Variants in FBXO41 observed in about 807,000 individuals in gnomAD.
FBXO41 encodes F-box protein 41.
FBXO41 carries 33 observed loss-of-function variants against 81.6 expected under a neutral mutation model. The ratio of observed to expected loss-of-function variants is 0.40; its 90% CI spans 0.31 to 0.54. The LOEUF (loss-of-function observed/expected upper bound fraction) is 0.54. Ranked by LOEUF, FBXO41 falls within the 20% of genes least tolerant of loss-of-function variation. The pLI, the probability that FBXO41 is intolerant of heterozygous loss-of-function variation, is 0.39. For synonymous variants in FBXO41, 576 were observed against 552.7 expected (o/e 1.04, Z -0.59); for missense variants, 1,107 against 1,236.0 (o/e 0.90, Z 1.56).
intron 1 of FBXO41, among the ~76,000 whole-genome samples, chr2:73,276,559 T>TGAGAGA (rs1688685941): frequency 9.2e-5 from 7 of 75,814 alleles, no homozygotes; most frequent in Admixed American, 3.1e-4. Context: ...GCAAATCTAT[T>TGAGAGA]CAGAGAGAGA....
In FBXO41 at chr2:73,265,520, T is replaced by C. The variant is rs1666069009; in HGVS notation, c.1326A>G (p.Thr442=). The part of the protein sequence containing the change: ...PEDSGPGGLG[T]RAQAANGGSE... Reference sequence around the variant, plus strand: ...AGCCCCCGTTGGCAGCCTGGGCCCGTGTGCCCAAGCCCCCAGGGCCACTGT... The same window carrying C: ...AGCCCCCGTTGGCAGCCTGGGCCCGCGTGCCCAAGCCCCCAGGGCCACTGT... Residue 442 remains threonine, a synonymous_variant, in exon 5 of 13, where the codon ACA becomes ACG. Coordinates refer to ENST00000520530, the MANE Select transcript of FBXO41 (RefSeq NM_001371389.2). 10 of 1,596,070 alleles carry C rather than the reference T, an allele frequency of 6.3e-6. No homozygotes were observed. The highest frequency in any genetic ancestry group is 8.5e-6 in the Non-Finnish European group (10 of 1,173,350).
At chr2:73,271,178 TG>T (rs1277675147) in intron 1 of FBXO41, 2 of 335,362 alleles carry the variant, frequency 6.0e-6, no homozygotes, top group South Asian at 2.3e-5. Flanking sequence ...GCCGCATAGT[TG>T]TGTTGCCTTC....
rs962481810 is a variant in FBXO41 at position 73,255,742 on chromosome 2, TAGGC to T, written c.*3236_*3239del. 1 of 152,496 alleles carries T rather than the reference TAGGC, an allele frequency of 6.6e-6. No individual in the cohort carries two copies. The highest frequency in any genetic ancestry group is 1.5e-5 in the Non-Finnish European group (1 of 68,040). 9.4% of individuals were successfully genotyped at this position (152,496 alleles called of 1,614,324 possible). ...AGATAAGAGACCAGGAGTGGGGAAA[TAGGC>T]AGGACCCAAAGGCAAGGGATGGAGC... is the stretch of plus-strand genomic sequence containing the variant. On this transcript the variant is annotated 3_prime_UTR_variant, in exon 13 of 13. Transcript: ENST00000520530.
At chr2:73,264,146 G>A in intron 6 of FBXO41, 93 bp from the exon 7 acceptor site, 1 of 1,552,150 alleles carries the variant, frequency 6.4e-7, no homozygotes, top group Non-Finnish European at 8.7e-7. Context: ...CCCCATGAGA[G>A]CATTTCAGGG....
rs1289132850 is a variant in FBXO41 at position 73,258,783 on chromosome 2, G to A, written c.*199C>T. ...GAGGGCAGCTTCTGTCCAAGCCCCTGTACTGGGGAGGCAGTGCCCTGGGTC... is the reference window on the plus strand; with the variant it reads ...GAGGGCAGCTTCTGTCCAAGCCCCTATACTGGGGAGGCAGTGCCCTGGGTC... On this transcript the variant is annotated 3_prime_UTR_variant, in exon 13 of 13. Transcript: ENST00000520530. 13 of 613,006 alleles carry A rather than the reference G, an allele frequency of 2.1e-5. No homozygotes were observed. Among genetic ancestry groups the A allele is most frequent in the African/African-American group, 3.7e-5 (2 of 54,336 alleles). 38.0% of individuals were successfully genotyped at this position (613,006 alleles called of 1,614,324 possible).
intron 1 of FBXO41, among the ~76,000 whole-genome samples, chr2:73,281,582 G>A (rs1688848288): frequency 6.6e-6 from 1 of 152,222 alleles, no homozygotes; most frequent in Non-Finnish European, 1.5e-5. Context: ...TTGGGATCCA[G>A]CTGCCACATA....
chr2:73,277,031 C>T (rs1428309826), intron 1 of FBXO41, among the ~76,000 whole-genome samples: 4 of 152,240 alleles, frequency 2.6e-5, no homozygotes. Flanking sequence ...CTTCTCCCCA[C>T]CCTGCCCTCT....
rs1198161004 is a variant in FBXO41 at position 73,269,253 on chromosome 2, G to C, written c.378C>G (p.Ser126Arg). 1.3e-6 allele frequency: 2 copies of C among 1,530,994 alleles called. No individual in the cohort carries two copies. The highest frequency in any genetic ancestry group is 5.2e-5 in the East Asian group (2 of 38,534). 94.8% of individuals were successfully genotyped at this position (1,530,994 alleles called of 1,614,324 possible). A position where few individuals can be genotyped will look rare whatever the true frequency, so the allele number is the denominator to read the frequency against. ...GCTCGGCCAACTCCTCACAGGGCAG[G>C]CTAGCGGGCACCAGGTCGCCGGGGA... ...AHFPGDLVPA[S>R]LPCEELAEPG... Residue 126 changes from serine (S) to arginine (R), a missense_variant, in exon 2 of 13, where the codon AGC becomes AGG. Around this residue, in one of 2 missense-constraint regions of FBXO41, gnomAD observed 771 missense variants for 789.2 expected, o/e 0.98. Coordinates refer to ENST00000520530, the MANE Select transcript of FBXO41 (RefSeq NM_001371389.2). The surrounding 1 kb of genome is among the most constrained non-coding windows in gnomAD (Gnocchi z 7.0).
chr2:73,265,964 TCGCTGTGGG>T lies in FBXO41; in HGVS notation c.1132-7_1133del. ...GCACGGCCGGGCCCACGTGGTGTTC[TCGCTGTGGG>T]CCCCCAGAGCAGGAGGTAAAGGAGA... On this transcript the variant is annotated splice_acceptor_variant and splice_polypyrimidine_tract_variant and coding_sequence_variant and intron_variant, in exon 4 of 13. Transcript: ENST00000520530. LOFTEE classifies it high-confidence loss of function. 1 of 1,571,050 alleles carries T rather than the reference TCGCTGTGGG, an allele frequency of 6.4e-7. No individual in the cohort carries two copies. The highest frequency in any genetic ancestry group is 8.6e-7 in the Non-Finnish European group (1 of 1,157,242).
At chr2:73,276,469 T>C (rs1173492413) in intron 1 of FBXO41, among the ~76,000 whole-genome samples, 1 of 151,586 alleles carries the variant, frequency 6.6e-6, no homozygotes, top group African/African-American at 2.4e-5. Context: ...TTTAGGTATA[T>C]TAAAACCCAA....
chr2:73,282,786 CA>C (rs1431133697), intron 1 of FBXO41, among the ~76,000 whole-genome samples: 1 of 152,128 alleles, frequency 6.6e-6, no homozygotes, highest in Non-Finnish European at 1.5e-5. Context: ...TGGATATCAC[CA>C]AACTCCCTCT....
At position 73,260,929 on chromosome 2, in the gene FBXO41, G is replaced by A. The variant is rs1688001509; in HGVS notation, c.2172-71C>T. Reference sequence around the variant, plus strand: ...TGATAACCCAGCATGCTCCTCCTGTGGGACCCCTCCCTGACTCAGGCAAGC... The same window carrying A: ...TGATAACCCAGCATGCTCCTCCTGTAGGACCCCTCCCTGACTCAGGCAAGC... On this transcript the variant is annotated intron_variant, in intron 9 of 12. Transcript: ENST00000520530. This position sits in a 1 kb window ranked among gnomAD's most constrained non-coding sequence, Gnocchi z 5.0. The A allele has an allele frequency of 7.7e-7, 1 of 1,305,902 alleles. No individual in the cohort carries two copies. Among genetic ancestry groups the A allele is most frequent in the Non-Finnish European group, 1.1e-6 (1 of 945,884 alleles). 80.9% of individuals were successfully genotyped at this position (1,305,902 alleles called of 1,614,324 possible).
In FBXO41 at chr2:73,258,815, G is replaced by T; in HGVS notation, c.*167C>A. The T allele has an allele frequency of 1.3e-6, 1 of 762,752 alleles. No homozygotes were observed. The highest frequency in any genetic ancestry group is 2.0e-6 in the Non-Finnish European group (1 of 487,900). The allele number at this position is 762,752 out of a possible 1,614,324, so 47.2% of individuals were successfully genotyped here. A position where few individuals can be genotyped will look rare whatever the true frequency, so the allele number is the denominator to read the frequency against. ...GGAGGCAGTGCCCTGGGTCAGGCCT[G>T]TTGCTCTGCTGCTCCAGGAGGAGGA... On this transcript the variant is annotated 3_prime_UTR_variant, in exon 13 of 13. Coordinates refer to ENST00000520530, the MANE Select transcript of FBXO41 (RefSeq NM_001371389.2).
rs188487265 is a variant in FBXO41 at position 73,265,335 on chromosome 2, G to A, written c.1511C>T (p.Ala504Val). Residue 504 changes from alanine to valine, a missense_variant, in exon 5 of 13, where the codon GCG becomes GTG. Transcript: ENST00000520530. ...TESEAEGPLDAPRPGPAMAGP... is the reference protein window; with the variant it reads ...TESEAEGPLDVPRPGPAMAGP... ...AGCCATAGCAGGCCCGGGGCGGGGCGCATCCAACGGGCCCTCAGCCTCTGA... is the reference window on the plus strand; with the variant it reads ...AGCCATAGCAGGCCCGGGGCGGGGCACATCCAACGGGCCCTCAGCCTCTGA... 3.2e-3 allele frequency: 5,188 copies of A among 1,611,414 alleles called. 126 individuals are homozygous for A. In the Admixed American group the frequency reaches 0.048, roughly 15 times the overall value.
intron 1 of FBXO41, among the ~76,000 whole-genome samples, chr2:73,275,206 G>A (rs1688652053): frequency 6.8e-6 from 1 of 147,488 alleles, no homozygotes; most frequent in South Asian, 2.2e-4. Flanking sequence ...TTAAGACAGA[G>A]TTTCACTTTG....
chr2:73,275,860 C>CAAGA (rs1558592092), intron 1 of FBXO41, among the ~76,000 whole-genome samples: 12 of 150,190 alleles, frequency 8.0e-5, no homozygotes, highest in African/African-American at 3.0e-4. Context: ...AATCTTGGCT[C>CAAGA]ACTGCAACCT....
chr2:73,263,181 CCCT>C, intron 9 of FBXO41, 29 bp downstream of exon 9: 2 of 1,536,902 alleles, frequency 1.3e-6, no homozygotes, highest in Non-Finnish European at 1.8e-6. Flanking sequence ...ACCGTGTCCC[CCCT>C]CCTATCCCCC....
intron 9 of FBXO41, among the ~76,000 whole-genome samples, chr2:73,262,166 T>G (rs1364055782): frequency 6.6e-6 from 1 of 151,636 alleles, no homozygotes; most frequent in Admixed American, 6.6e-5. Context: ...GAGGTTGCAG[T>G]AAGCTGAGAT....
chr2:73,265,722 G>A (rs1043646754), intron 4 of FBXO41, 82 bp from the exon 5 acceptor site: 2 of 1,434,298 alleles, frequency 1.4e-6, no homozygotes, highest in African/African-American at 2.9e-5. Flanking sequence ...ACCATCAGCT[G>A]AGGGCAACCC....
Sources: gnomAD v4.1 joint callset for allele counts (sites outside exome capture counted in the v4.1 genomes callset) on GRCh38, gnomAD v4.1.1 for gene constraint, gnomAD v4.1.1 regional missense constraint, Gnocchi (gnomAD v3.1) non-coding constraint, MANE v1.5 for transcripts, NCBI Gene and HGNC (gene_info 2026-07-23, HGNC 2026-07-21) for gene names.